IRF2: variants seen among roughly 807,000 people sequenced by gnomAD.
The protein encoded by IRF2 is interferon regulatory factor 2.
A neutral mutation model predicts 40.6 loss-of-function variants in IRF2; 15 were observed. The ratio of observed to expected loss-of-function variants is 0.37; its 90% confidence interval spans 0.25 to 0.57. The LOEUF (loss-of-function observed/expected upper bound fraction) is 0.57. Ranked by LOEUF, IRF2 falls within the 20% of genes least tolerant of loss-of-function variation. The pLI is 0.77. For synonymous variants in IRF2, 151 were observed against 165.5 expected (o/e 0.91, Z 0.67); for missense variants, 317 against 455.7 (o/e 0.70, Z 2.77).
rs550591491 is a variant in IRF2 at position 184,413,442 on chromosome 4, G to A, written c.411+4725C>T. Among the ~76,000 whole-genome samples the A allele has an allele frequency of 6.6e-6, 1 of 152,326 alleles. No individual in the cohort carries two copies. Among genetic ancestry groups the A allele is most frequent in the South Asian group, 2.1e-4 (1 of 4,828 alleles). ...TATCTGTTTTTCAAGTGAGTTGCTGGTGTGTGCTTTCATTTGATTAAAGTT... is the reference window on the plus strand; with the variant it reads ...TATCTGTTTTTCAAGTGAGTTGCTGATGTGTGCTTTCATTTGATTAAAGTT... On this transcript the variant is annotated intron_variant, in intron 5 of 8. Transcript: ENST00000393593. This position sits in a 1 kb window ranked among gnomAD's most constrained non-coding sequence, Gnocchi z 4.2.
chr4:184,436,219 C>T (rs1423877361), intron 1 of IRF2, among the ~76,000 whole-genome samples: 2 of 152,180 alleles, frequency 1.3e-5, no homozygotes, highest in African/African-American at 4.8e-5. Flanking sequence ...TCGTGATCCG[C>T]CCACTTTGGC....
At chr4:184,454,142 T>A (rs3756100) in intron 1 of IRF2, among the ~76,000 whole-genome samples, 50,992 of 152,096 alleles carry the variant, frequency 0.34, 10,440 homozygotes, top group Admixed American at 0.46. Context: ...TGAGAGTAAA[T>A]GATTTCCTCC....
chr4:184,428,771 C>A, intron 2 of IRF2: 2 of 586,610 alleles, frequency 3.4e-6, no homozygotes, highest in South Asian at 1.6e-5. Context: ...TGCACTCCAG[C>A]GTGGGCCATA....
intron 6 of IRF2, among the ~76,000 whole-genome samples, chr4:184,402,291 GGGGTTGAGCAACA>G (rs1334349268): frequency 1.3e-5 from 2 of 152,252 alleles, no homozygotes; most frequent in Middle Eastern, 3.4e-3. Context: ...CACAGGAGTG[GGGGTTGAGCAACA>G]GGCAGCATTC....
At chr4:184,389,147 T>C (rs1736160488) in intron 8 of IRF2, 81 bp from the exon 9 acceptor site, 2 of 1,369,530 alleles carry the variant, frequency 1.5e-6, no homozygotes, top group South Asian at 2.4e-5. Flanking sequence ...TGGCCAGGTG[T>C]GGTGGCTCAT....
Position 184,408,932 on chromosome 4 carries a change from C to G in IRF2, c.412-657G>C, listed in dbSNP as rs116705506. ...TCTCATCCAGCCCAAGAATTCTGCA[C>G]GTGCACACTAATGAAATAATGAGAA... On this transcript the variant is annotated intron_variant, in intron 5 of 8. Coordinates refer to ENST00000393593, the MANE Select transcript of IRF2 (RefSeq NM_002199.4). This position sits in a 1 kb window ranked among gnomAD's most constrained non-coding sequence, Gnocchi z 4.9. Among the ~76,000 whole-genome samples, 1,153 of 152,298 alleles carry G rather than the reference C, an allele frequency of 7.6e-3. 19 individuals are homozygous for G. Among genetic ancestry groups the G allele is most frequent in the African/African-American group, 0.026 (1,069 of 41,560 alleles).
intron 5 of IRF2, among the ~76,000 whole-genome samples, chr4:184,416,790 A>G (rs1737293364): frequency 1.3e-5 from 2 of 152,198 alleles, no homozygotes; most frequent in Non-Finnish European, 2.9e-5. Flanking sequence ...TCACGCCTGT[A>G]TTCCCAGCAC....
chr4:184,466,956 A>T (rs556408458), intron 1 of IRF2, among the ~76,000 whole-genome samples: 2 of 152,320 alleles, frequency 1.3e-5, no homozygotes, highest in South Asian at 4.1e-4. Context: ...TTATCATCTT[A>T]TGGGGCCACA....
At chr4:184,452,749 CAACAG>C (rs1317025590) in intron 1 of IRF2, among the ~76,000 whole-genome samples, 1 of 102,452 alleles carries the variant, frequency 9.8e-6, no homozygotes, top group Admixed American at 1.6e-4. Flanking sequence ...CCAGCATGAG[CAACAG>C]AGCAGGACCC....
At chr4:184,432,736 G>A (rs1394647550) in intron 1 of IRF2, among the ~76,000 whole-genome samples, 1 of 152,214 alleles carries the variant, frequency 6.6e-6, no homozygotes, top group Non-Finnish European at 1.5e-5. Context: ...TGAAGACACA[G>A]ACACAGAGGG....
chr4:184,405,348 T>C (rs572490226), intron 6 of IRF2, among the ~76,000 whole-genome samples: 2 of 152,312 alleles, frequency 1.3e-5, no homozygotes, highest in South Asian at 4.1e-4. Flanking sequence ...GCTGGAGCTA[T>C]ACCTCCTGCT....
intron 5 of IRF2, among the ~76,000 whole-genome samples, chr4:184,414,008 C>T (rs955802730): frequency 2.6e-5 from 4 of 152,234 alleles, no homozygotes; most frequent in Non-Finnish European, 4.4e-5. Flanking sequence ...CCAAAGGCTA[C>T]GAGGCACCCG....
chr4:184,390,626 C>A lies in IRF2; in HGVS notation c.741+77G>T, dbSNP rs557232460. 10 of 1,400,620 alleles carry A rather than the reference C, an allele frequency of 7.1e-6. No homozygotes were observed. In the African/African-American group the frequency reaches 1.1e-4, roughly 16 times the overall value. The allele number at this position is 1,400,620 out of a possible 1,614,324, so 86.8% of individuals were successfully genotyped here. A position where few individuals can be genotyped will look rare whatever the true frequency, so the allele number is the denominator to read the frequency against. ...GTGATCTAAAGGAAAGGTGCATAAC[C>A]AGCAGCAAGGAAAGCCCGGAGCTGG... On this transcript the variant is annotated intron_variant, in intron 8 of 8. Transcript: ENST00000393593.
intron 7 of IRF2, among the ~76,000 whole-genome samples, chr4:184,392,430 T>C (rs868617099): frequency 6.6e-5 from 10 of 152,332 alleles, no homozygotes; most frequent in Middle Eastern, 6.8e-3. Context: ...GGGAGCCCTA[T>C]GGGTCAGTGC....
At chr4:184,416,867 G>T (rs1028105623) in intron 5 of IRF2, among the ~76,000 whole-genome samples, 1 of 152,106 alleles carries the variant, frequency 6.6e-6, no homozygotes, top group African/African-American at 2.4e-5. Context: ...CCAACATGGT[G>T]AAACCCCATC....
chr4:184,397,665 G>A (rs746383303), intron 7 of IRF2, among the ~76,000 whole-genome samples: 2 of 152,180 alleles, frequency 1.3e-5, no homozygotes, highest in Non-Finnish European at 2.9e-5. Flanking sequence ...GCACCTACTG[G>A]AGGACATCCC....
chr4:184,452,896 T>C (rs1193269232), intron 1 of IRF2, among the ~76,000 whole-genome samples: 3 of 150,124 alleles, frequency 2.0e-5, no homozygotes, highest in Non-Finnish European at 4.4e-5. Flanking sequence ...TATGGGAGTA[T>C]AAAATAGGTA....
chr4:184,399,746 G>A (rs1736600991), intron 6 of IRF2, among the ~76,000 whole-genome samples: 1 of 152,180 alleles, frequency 6.6e-6, no homozygotes, highest in Non-Finnish European at 1.5e-5. Flanking sequence ...TCAGCACAAT[G>A]GAATAGAGTC....
At chr4:184,430,738 C>T (rs1737848471) in intron 1 of IRF2, among the ~76,000 whole-genome samples, 1 of 152,196 alleles carries the variant, frequency 6.6e-6, no homozygotes, top group African/African-American at 2.4e-5. Flanking sequence ...CTCTGTCACC[C>T]AGACGGGAGT....
Sources: allele counts gnomAD v4.1 joint callset (sites outside exome capture counted in the v4.1 genomes callset), GRCh38; gene constraint gnomAD v4.1.1; non-coding constraint Gnocchi (gnomAD v3.1); transcripts MANE v1.5; gene names NCBI Gene and HGNC (gene_info 2026-07-23, HGNC 2026-07-21).